MYH8: variants seen among roughly 807,000 people sequenced by gnomAD.
MYH8 encodes the protein myosin heavy chain 8, also known as myosin-8.
In MYH8, 168 loss-of-function variants were observed where a neutral mutation model predicts 233.2. That is an observed-to-expected ratio of 0.72 (90% CI 0.64 to 0.82). MYH8 has a LOEUF of 0.82. MYH8 is among the 40% of genes least tolerant of loss of function. The probability of loss-of-function intolerance (pLI) is 0.00; values close to 1 mark genes in which losing one functional copy is unlikely to be tolerated. For missense variants in MYH8, 1,995 were observed against 2,327.8 expected (o/e 0.86, Z 2.94); for synonymous variants, 785 against 850.6 (o/e 0.92, Z 1.34).
At chr17:10,399,172 T>C (rs945173571) in intron 28 of MYH8, among the ~76,000 whole-genome samples, 4 of 151,970 alleles carry the variant, frequency 2.6e-5, no homozygotes, top group African/African-American at 9.7e-5. Context: ...AGCATTTCCT[T>C]TGGACATCAT....
At chr17:10,397,393 C>T (rs2072089737) in intron 30 of MYH8, among the ~76,000 whole-genome samples, 1 of 152,172 alleles carries the variant, frequency 6.6e-6, no homozygotes, top group South Asian at 2.1e-4. Context: ...TGTGCCTGGC[C>T]ACGGTCCTGT....
rs1567682979 is a variant in MYH8 at position 10,398,751 on chromosome 17, T to A, written c.3981+17A>T. 6 of 1,613,970 alleles carry A rather than the reference T, an allele frequency of 3.7e-6. No individual in the cohort carries two copies. Among genetic ancestry groups the A allele is most frequent in the Non-Finnish European group, 5.1e-6 (6 of 1,179,892 alleles). ...GTTTAGATTTGGTTAGTCAAAAAAA[T>A]CCTTGGCAAAACTCACTTTAGTTTC... On this transcript the variant is annotated intron_variant, in intron 29 of 39. Coordinates refer to ENST00000403437, the MANE Select transcript of MYH8 (RefSeq NM_002472.3).
chr17:10,414,057 G>A lies in MYH8; in HGVS notation c.1009-17C>T, dbSNP rs1288177813. ...AATGGCACTCTACCAGGAAAAATGA[G>A]AGGACAAAAGTTAGGGCTGAAGAGA... is the stretch of plus-strand genomic sequence containing the variant. On this transcript the variant is annotated splice_polypyrimidine_tract_variant and intron_variant, in intron 11 of 39. Transcript: ENST00000403437. The A allele has an allele frequency of 1.9e-6, 3 of 1,614,012 alleles. No individual in the cohort carries two copies. In the African/African-American group the frequency reaches 4.0e-5, roughly 22 times the overall value.
At chr17:10,411,524 A>G (rs2072244711) in intron 14 of MYH8, among the ~76,000 whole-genome samples, 1 of 152,240 alleles carries the variant, frequency 6.6e-6, no homozygotes, top group Non-Finnish European at 1.5e-5. Flanking sequence ...AATATACTTT[A>G]AAAGTTCAAC....
chr17:10,405,091 G>T (rs1243135322), intron 21 of MYH8, among the ~76,000 whole-genome samples: 1 of 152,062 alleles, frequency 6.6e-6, no homozygotes, highest in Non-Finnish European at 1.5e-5. Flanking sequence ...CCTTGAAGTT[G>T]CTCCTCTTAT....
rs1313691005 is a variant in MYH8 at position 10,415,363 on chromosome 17, T to G, written c.670A>C (p.Ile224Leu). ...KMQGTLEDQI[I>L]SANPLLEAFG... is the part of the protein sequence containing the mutation. ...GCCTCCAGTAGGGGATTGGCGCTGA[T>G]GATTTGATCTTCCAGAGTCCCCTGC... Residue 224 changes from isoleucine (I) to leucine (L), a missense_variant, in exon 8 of 40, where the codon ATC (isoleucine) becomes CTC (leucine). Physicochemically the swap from Ile to Leu is conservative, Grantham distance 5. Coordinates refer to ENST00000403437, the MANE Select transcript of MYH8 (RefSeq NM_002472.3). This position sits in a 1 kb window ranked among gnomAD's most constrained non-coding sequence, Gnocchi z 4.1. 1 of 1,614,224 alleles carries G rather than the reference T, an allele frequency of 6.2e-7. No homozygotes were observed. The highest frequency in any genetic ancestry group is 8.5e-7 in the Non-Finnish European group (1 of 1,180,020).
In MYH8 at chr17:10,415,762, T is replaced by C; in HGVS notation, c.512-54A>G. On this transcript the variant is annotated intron_variant, in intron 5 of 39. Transcript: ENST00000403437. The surrounding 1 kb of genome is among the most constrained non-coding windows in gnomAD (Gnocchi z 4.1). ...AAAAATGCATATTTAATATGAAGAG[T>C]ATTGAATCAGTTCAGATCAAACACA... 6.4e-7 allele frequency: 1 copy of C among 1,556,652 alleles called. No homozygotes were observed. Among genetic ancestry groups the C allele is most frequent in the South Asian group, 1.1e-5 (1 of 87,140 alleles).
chr17:10,420,961 C>A (rs953257119), intron 2 of MYH8, among the ~76,000 whole-genome samples: 2 of 152,150 alleles, frequency 1.3e-5, no homozygotes, highest in African/African-American at 4.8e-5. Context: ...CACAAAGGCC[C>A]TTCTTCCCAC....
At chr17:10,399,771 G>T in intron 27 of MYH8, 102 bp from the exon 28 acceptor site, 1 of 1,515,784 alleles carries the variant, frequency 6.6e-7, no homozygotes, top group South Asian at 1.2e-5. Context: ...CATGTCAAGT[G>T]TGAGTAGAAA....
Position 10,396,660 on chromosome 17 carries a change from T to C in MYH8, c.4421A>G (p.Gln1474Arg), listed in dbSNP as rs1321869015. 12 of 1,614,238 alleles carry C rather than the reference T, an allele frequency of 7.4e-6. No individual in the cohort carries two copies. The highest frequency in any genetic ancestry group is 9.3e-6 in the Non-Finnish European group (11 of 1,180,040). The change falls in exon 32 of 40, where the codon CAG becomes CGG. Residue 1474 changes from glutamine to arginine, a missense_variant. By Grantham distance (43) the Gln-to-Arg change is conservative. Transcript: ENST00000403437. The surrounding 1 kb of genome is among the most constrained non-coding windows in gnomAD (Gnocchi z 4.2). ...AGTGCTAAGAGAACGTGACTCCTTCTGGGAGGCCTCAAGTTCAGCCTGAGT... is the reference window on the plus strand; with the variant it reads ...AGTGCTAAGAGAACGTGACTCCTTCCGGGAGGCCTCAAGTTCAGCCTGAGT... ...EETQAELEAS[Q>R]KESRSLSTEL...
chr17:10,393,561 C>T (rs1042160821), intron 35 of MYH8, among the ~76,000 whole-genome samples: 1 of 152,314 alleles, frequency 6.6e-6, no homozygotes, highest in Admixed American at 6.5e-5. Context: ...GAGTGGCAGG[C>T]ACTGAGAGTT....
At chr17:10,395,109 G>C in intron 34 of MYH8, 24 bp downstream of exon 34, 1 of 1,612,138 alleles carries the variant, frequency 6.2e-7, no homozygotes, top group East Asian at 2.2e-5. Flanking sequence ...GCTTCATCTG[G>C]GAGGCGAATG....
At chr17:10,407,218 A>G (rs142683802) in intron 17 of MYH8, among the ~76,000 whole-genome samples, 1 of 152,318 alleles carries the variant, frequency 6.6e-6, no homozygotes, top group Non-Finnish European at 1.5e-5. Context: ...GATCTGTCTC[A>G]TAAACAAATT....
At chr17:10,413,339 G>A (rs897492956) in intron 12 of MYH8, among the ~76,000 whole-genome samples, 5 of 152,204 alleles carry the variant, frequency 3.3e-5, no homozygotes, top group African/African-American at 7.2e-5. Context: ...TTTAAGGAGC[G>A]ATAACTGTCT....
chr17:10,410,428 T>G lies in MYH8; in HGVS notation c.1587+349A>C, dbSNP rs533918785. ...TGTCATGTGTGCATTAATTTTTATA[T>G]AGAAAAATATTTTTATTGTGGACAT... On this transcript the variant is annotated intron_variant, in intron 15 of 39. Transcript: ENST00000403437. 3.3e-5 allele frequency among the ~76,000 whole-genome samples: 5 copies of G among 152,354 alleles called. No individual in the cohort carries two copies. In the South Asian group the frequency reaches 1.0e-3, roughly 32 times the overall value.
chr17:10,406,446 C>CCAA (rs1455991074), intron 19 of MYH8, 49 bp from the exon 20 acceptor site: 1 of 1,611,822 alleles, frequency 6.2e-7, no homozygotes, highest in Admixed American at 1.7e-5. Context: ...TGACCACATG[C>CCAA]CAACAAAATG....
chr17:10,400,969 G>A lies in MYH8; in HGVS notation c.3255-10C>T. On this transcript the variant is annotated splice_polypyrimidine_tract_variant and intron_variant, in intron 25 of 39. Coordinates refer to ENST00000403437, the MANE Select transcript of MYH8 (RefSeq NM_002472.3). The surrounding 1 kb of genome is among the most constrained non-coding windows in gnomAD (Gnocchi z 4.0). Reference sequence around the variant, plus strand: ...GATTTCAAATTCTTTCCTTTAGACAGAAGAGCAAGACGTATTAATACTCAT... The same window carrying A: ...GATTTCAAATTCTTTCCTTTAGACAAAAGAGCAAGACGTATTAATACTCAT... 1 of 1,613,666 alleles carries A rather than the reference G, an allele frequency of 6.2e-7. No individual in the cohort carries two copies. Among genetic ancestry groups the A allele is most frequent in the Non-Finnish European group, 8.5e-7 (1 of 1,179,824 alleles).
Position 10,415,227 on chromosome 17 carries a change from G to A in MYH8, c.742-48C>T. ...AGAAAACTGAAACACAAAGAGAGAT[G>A]CAAATGAAATAATAATTCAGACGTG... On this transcript the variant is annotated intron_variant, in intron 8 of 39. Transcript: ENST00000403437. The surrounding 1 kb of genome is among the most constrained non-coding windows in gnomAD (Gnocchi z 4.1). The A allele has an allele frequency of 1.2e-6, 2 of 1,602,004 alleles. No individual in the cohort carries two copies. Among genetic ancestry groups the A allele is most frequent in the Non-Finnish European group, 1.7e-6 (2 of 1,168,996 alleles).
At chr17:10,398,394 A>G in intron 30 of MYH8, 50 bp downstream of exon 30, 1 of 1,613,666 alleles carries the variant, frequency 6.2e-7, no homozygotes, top group Non-Finnish European at 8.5e-7. Context: ...ATCATCATAA[A>G]TATCACAGCT....
Sources: gnomAD v4.1 joint callset for allele counts (sites outside exome capture counted in the v4.1 genomes callset) on GRCh38, gnomAD v4.1.1 for gene constraint, Gnocchi (gnomAD v3.1) non-coding constraint, MANE v1.5 for transcripts, NCBI Gene and HGNC (gene_info 2026-07-23, HGNC 2026-07-21) for gene names.